R3HCC1L: variants seen among roughly 807,000 people sequenced by gnomAD.
R3HCC1L encodes the protein coiled-coil domain-containing protein R3HCC1L.
R3HCC1L carries 51 observed loss-of-function variants against 59.9 expected under a neutral mutation model. That is an observed-to-expected ratio of 0.85 (90% CI 0.68 to 1.07). The LOEUF is 1.07. R3HCC1L is among the 50% of genes least tolerant of loss of function. R3HCC1L has a pLI of 0.00. For synonymous variants in R3HCC1L, 322 were observed against 315.2 expected (o/e 1.02, Z -0.23); for missense variants, 965 against 933.0 (o/e 1.03, Z -0.45).
chr10:98,135,100 G>T (rs910653349), intron 1 of R3HCC1L, among the ~76,000 whole-genome samples: 1 of 152,242 alleles, frequency 6.6e-6, no homozygotes, highest in Admixed American at 6.5e-5. Context: ...CGGTTTCCGG[G>T]CTTCGCTTCG....
intron 5 of R3HCC1L, chr10:98,211,212 A>G (rs903576803): frequency 4.2e-6 from 3 of 715,102 alleles, no homozygotes; most frequent in African/African-American, 1.8e-5. Context: ...TTTCCAAAGT[A>G]TGGTCCCTAG....
intron 4 of R3HCC1L, among the ~76,000 whole-genome samples, chr10:98,192,128 A>T (rs1437974715): frequency 6.6e-6 from 1 of 151,852 alleles, no homozygotes. Context: ...CCCAGCCTGG[A>T]CTTTTTTTTT....
chr10:98,182,642 A>C (rs1197166952), intron 4 of R3HCC1L, among the ~76,000 whole-genome samples: 1 of 152,150 alleles, frequency 6.6e-6, no homozygotes, highest in Non-Finnish European at 1.5e-5. Flanking sequence ...CTGCCCCCAG[A>C]GGTGGAGTCT....
At chr10:98,149,428 G>A (rs61873747) in intron 1 of R3HCC1L, among the ~76,000 whole-genome samples, 22,807 of 151,920 alleles carry the variant, frequency 0.15, 2,125 homozygotes, top group Non-Finnish European at 0.2. Flanking sequence ...AGTTCTTTGA[G>A]GCACGTTATT....
At chr10:98,194,939 C>T (rs1465743265) in intron 4 of R3HCC1L, among the ~76,000 whole-genome samples, 1 of 152,084 alleles carries the variant, frequency 6.6e-6, no homozygotes, top group Non-Finnish European at 1.5e-5. Flanking sequence ...ATAGAACTAT[C>T]ATATAAGCCA....
intron 5 of R3HCC1L, among the ~76,000 whole-genome samples, chr10:98,212,140 T>C (rs929187430): frequency 6.6e-6 from 1 of 152,162 alleles, no homozygotes; most frequent in Non-Finnish European, 1.5e-5. Context: ...ATCCAACTCC[T>C]CTGCTTTGGG....
chr10:98,216,298 G>T (rs542026791), intron 5 of R3HCC1L, among the ~76,000 whole-genome samples: 2 of 152,084 alleles, frequency 1.3e-5, no homozygotes, highest in Non-Finnish European at 2.9e-5. Flanking sequence ...TGGATCGCTT[G>T]AGTGCAGGAG....
rs541697800 is a variant in R3HCC1L at position 98,148,804 on chromosome 10, G to A, written c.-267-7289G>A. Among the ~76,000 whole-genome samples, 4 of 152,140 alleles carry A rather than the reference G, an allele frequency of 2.6e-5. No individual in the cohort carries two copies. In the South Asian group the frequency reaches 6.2e-4, roughly 24 times the overall value. ...GATCTTCTAGTATTTTTACGTCTAT[G>A]TTCATTAGTGATACTGGCCCATAGT... is the stretch of plus-strand genomic sequence containing the variant. On this transcript the variant is annotated intron_variant, in intron 1 of 9. Coordinates refer to ENST00000298999, the MANE Select transcript of R3HCC1L (RefSeq NM_001351015.2).
rs200242092 is a variant in R3HCC1L, at chr10:98,209,219, G to A, written c.1105G>A (p.Gly369Ser). Residue 369 changes from glycine to serine, a missense_variant, in exon 5 of 10, where the codon GGT (glycine) becomes AGT (serine). By Grantham distance (56) the Gly-to-Ser change is moderately conservative. Transcript: ENST00000298999. ...TAGAGATAGTGGATTTAAGAATGTA[G>A]GTGACATTACCAATAAAGCATGTAT... Reference protein sequence around the residue: ...THRDSGFKNVGDITNKACMMD... With the variant: ...THRDSGFKNVSDITNKACMMD... 2.5e-6 allele frequency: 4 copies of A among 1,613,764 alleles called. No homozygotes were observed. The African/African-American group carries it at 5.3e-5, about 22-fold the overall frequency.
chr10:98,209,748 T>A lies in R3HCC1L; in HGVS notation c.1634T>A (p.Phe545Tyr). The A allele has an allele frequency of 1.2e-6, 2 of 1,613,942 alleles. No homozygotes were observed. Among genetic ancestry groups the A allele is most frequent in the Non-Finnish European group, 1.7e-6 (2 of 1,179,872 alleles). ...DSGSIEFGVS[F>Y]PDRESSSMET... is the part of the protein sequence containing the mutation. ...GGGAGTATAGAATTTGGTGTATCTTTTCCTGATAGGGAATCATCATCTATG... is the reference window on the plus strand; with the variant it reads ...GGGAGTATAGAATTTGGTGTATCTTATCCTGATAGGGAATCATCATCTATG... Residue 545 changes from phenylalanine (F) to tyrosine (Y), a missense_variant, in exon 5 of 10, where the codon TTT (phenylalanine) becomes TAT (tyrosine). Physicochemically the swap from Phe to Tyr is conservative, Grantham distance 22. Transcript: ENST00000298999.
intron 8 of R3HCC1L, among the ~76,000 whole-genome samples, 180 bp downstream of exon 8, chr10:98,235,700 A>G (rs532380562): frequency 6.6e-6 from 1 of 152,366 alleles, no homozygotes; most frequent in East Asian, 1.9e-4. Flanking sequence ...ATGGCATCTG[A>G]GCAGCCACTT....
chr10:98,235,308 CTT>C, intron 7 of R3HCC1L, 115 bp from the exon 8 acceptor site: 4 of 841,264 alleles, frequency 4.8e-6, no homozygotes, highest in Admixed American at 2.6e-5. Context: ...AGATCTGTCT[CTT>C]TTGCTTGCTT....
At chr10:98,153,688 G>A in intron 1 of R3HCC1L, among the ~76,000 whole-genome samples, 1 of 149,242 alleles carries the variant, frequency 6.7e-6, no homozygotes. Flanking sequence ...TCATAAGACA[G>A]ACAGAATGGA....
intron 5 of R3HCC1L, among the ~76,000 whole-genome samples, chr10:98,226,045 G>A (rs1464728947): frequency 6.6e-6 from 1 of 152,012 alleles, no homozygotes; most frequent in Non-Finnish European, 1.5e-5. Context: ...GCAGGGTTTT[G>A]CCATGTTGCC....
intron 5 of R3HCC1L, chr10:98,231,052 G>A (rs1187864665): frequency 2.4e-6 from 1 of 420,980 alleles, no homozygotes; most frequent in Non-Finnish European, 4.7e-6. Context: ...AAGTAAAAAA[G>A]TTTTTTTGAA....
At chr10:98,212,335 C>T (rs1853674251) in intron 5 of R3HCC1L, among the ~76,000 whole-genome samples, 1 of 152,098 alleles carries the variant, frequency 6.6e-6, no homozygotes, top group Non-Finnish European at 1.5e-5. Context: ...GGCTATCATC[C>T]CAGCTGGCCT....
chr10:98,187,187 C>T (rs1162657095), intron 4 of R3HCC1L, among the ~76,000 whole-genome samples: 1 of 151,938 alleles, frequency 6.6e-6, no homozygotes, highest in Admixed American at 6.6e-5. Flanking sequence ...TGCTTGGGAC[C>T]AGAAGTGTTT....
intron 4 of R3HCC1L, among the ~76,000 whole-genome samples, chr10:98,164,772 TAA>T (rs2134232605): frequency 6.6e-6 from 1 of 152,186 alleles, no homozygotes; most frequent in African/African-American, 2.4e-5. Context: ...TGGTTGTGTG[TAA>T]GTTAGAGGAG....
intron 5 of R3HCC1L, among the ~76,000 whole-genome samples, chr10:98,230,130 T>G (rs1856193573): frequency 1.3e-5 from 2 of 152,262 alleles, no homozygotes; most frequent in Non-Finnish European, 2.9e-5. Context: ...CTTTTTCTAT[T>G]GATTGGAATA....
Sources: gnomAD v4.1 joint callset for allele counts (sites outside exome capture counted in the v4.1 genomes callset) on GRCh38, gnomAD v4.1.1 for gene constraint, MANE v1.5 for transcripts, NCBI Gene and HGNC (gene_info 2026-07-23, HGNC 2026-07-21) for gene names.